Variants in DCLK2 observed in about 807,000 individuals in gnomAD.
The protein encoded by DCLK2 is serine/threonine-protein kinase DCLK2.
DCLK2 carries 31 observed loss-of-function variants against 78.4 expected under a neutral mutation model. That is an observed-to-expected ratio of 0.40 (90% CI 0.30 to 0.53). DCLK2 has a LOEUF of 0.53. DCLK2 is among the 20% of genes least tolerant of loss of function. DCLK2 has a pLI of 0.61. For synonymous variants in DCLK2, 407 were observed against 374.9 expected (o/e 1.09, Z -0.99); for missense variants, 872 against 973.7 (o/e 0.90, Z 1.39).
chr4:150,210,995 G>A (rs560083289), intron 5 of DCLK2, among the ~76,000 whole-genome samples: 5 of 150,752 alleles, frequency 3.3e-5, no homozygotes, highest in African/African-American at 1.2e-4. Flanking sequence ...CCAAAATTTA[G>A]CAGCTTAAAA....
intron 1 of DCLK2, among the ~76,000 whole-genome samples, chr4:150,100,778 A>G (rs1162783924): frequency 6.6e-6 from 1 of 152,252 alleles, no homozygotes; most frequent in Non-Finnish European, 1.5e-5. Flanking sequence ...CCAGATGATC[A>G]TACTGTGAAA....
intron 4 of DCLK2, among the ~76,000 whole-genome samples, chr4:150,200,877 G>A (rs886639396): frequency 6.6e-6 from 1 of 152,226 alleles, no homozygotes; most frequent in East Asian, 1.9e-4. Context: ...GGAGTGCAGT[G>A]GTGTGATCTC....
chr4:150,147,705 G>T (rs1341574585), intron 2 of DCLK2, among the ~76,000 whole-genome samples: 1 of 152,180 alleles, frequency 6.6e-6, no homozygotes. Context: ...ATAGAAAGTT[G>T]CCCTGCCTGT....
At chr4:150,132,603 A>G (rs561577038) in intron 2 of DCLK2, among the ~76,000 whole-genome samples, 16 of 152,042 alleles carry the variant, frequency 1.1e-4, no homozygotes, top group Non-Finnish European at 2.1e-4. Flanking sequence ...TTTTTTTTTA[A>G]AGACGGGGTT....
chr4:150,177,589 G>A (rs1475771531), intron 2 of DCLK2, among the ~76,000 whole-genome samples: 1 of 152,130 alleles, frequency 6.6e-6, no homozygotes, highest in African/African-American at 2.4e-5. Context: ...TATCTTTGCA[G>A]TTTATGAAAA....
At chr4:150,086,430 A>G (rs751505699) in intron 1 of DCLK2, among the ~76,000 whole-genome samples, 18 of 152,198 alleles carry the variant, frequency 1.2e-4, no homozygotes, top group Non-Finnish European at 1.0e-4. Flanking sequence ...GAAGTTATCA[A>G]TTTCACTAGT....
chr4:150,141,626 G>A (rs1734107928), intron 2 of DCLK2, among the ~76,000 whole-genome samples: 1 of 152,118 alleles, frequency 6.6e-6, no homozygotes, highest in South Asian at 2.1e-4. Flanking sequence ...AGTTCCCATT[G>A]AATGTATCTA....
At chr4:150,188,855 A>G (rs924119849) in intron 2 of DCLK2, among the ~76,000 whole-genome samples, 1 of 148,454 alleles carries the variant, frequency 6.7e-6, no homozygotes, top group Non-Finnish European at 1.5e-5. Context: ...CAGTGAGCCT[A>G]GATCATGCCA....
chr4:150,148,602 A>G (rs1189966581), intron 2 of DCLK2, among the ~76,000 whole-genome samples: 2 of 152,160 alleles, frequency 1.3e-5, no homozygotes, highest in East Asian at 3.9e-4. Flanking sequence ...TACAACAGTA[A>G]GTACACTTTG....
In DCLK2 at chr4:150,079,143, C is replaced by A; in HGVS notation, c.116C>A (p.Pro39His). 2 of 1,596,536 alleles carry A rather than the reference C, an allele frequency of 1.3e-6. No individual in the cohort carries two copies. The highest frequency in any genetic ancestry group is 4.5e-5 in the East Asian group (2 of 44,668). The change falls in exon 1 of 16, where the codon CCC becomes CAC. Residue 39 changes from proline (P) to histidine (H), a missense_variant. Physicochemically the swap from Pro to His is moderately conservative, Grantham distance 77 (BLOSUM62 -2). Around this residue, in one of 3 missense-constraint regions of DCLK2, gnomAD observed 567 missense variants for 593.4 expected, o/e 0.96. Coordinates refer to ENST00000296550, the MANE Select transcript of DCLK2 (RefSeq NM_001040260.4). ...SSSGGSSSSG[P>H]KGNGLIPSPA... The stretch of plus-strand genomic sequence containing the variant: ...TCCGGGGGCAGCAGCAGCTCGGGCC[C>A]CAAGGGGAACGGGCTCATCCCCAGT...
At chr4:150,223,734 A>ACT (rs950516754) in intron 7 of DCLK2, among the ~76,000 whole-genome samples, 10 of 133,194 alleles carry the variant, frequency 7.5e-5, no homozygotes, top group African/African-American at 2.5e-4. Context: ...ACAGAGCAAG[A>ACT]CTCTCTCTCA....
chr4:150,196,537 T>A (rs1420292997), intron 3 of DCLK2, among the ~76,000 whole-genome samples: 1 of 152,176 alleles, frequency 6.6e-6, no homozygotes, highest in Non-Finnish European at 1.5e-5. Context: ...CTAAAATTAA[T>A]CCACATTTTA....
intron 2 of DCLK2, among the ~76,000 whole-genome samples, chr4:150,117,118 A>G (rs62338172): frequency 0.14 from 20,832 of 152,154 alleles, 1,819 homozygotes; most frequent in Non-Finnish European, 0.19. Context: ...GTGCAGGTGC[A>G]AGCAGTGGCC....
chr4:150,079,460 G>A lies in DCLK2; in HGVS notation c.421+12G>A, dbSNP rs1020546017. On this transcript the variant is annotated intron_variant, in intron 1 of 15. Transcript: ENST00000296550. ...CGAGCTGCTGGAAGGTAGGAGGGGA[G>A]GGCGCCGCACGGCAGGTGCGGCGGA... 5 of 1,478,190 alleles carry A rather than the reference G, an allele frequency of 3.4e-6. No homozygotes were observed. Among genetic ancestry groups the A allele is most frequent in the Admixed American group, 5.0e-5 (2 of 40,380 alleles). The allele number at this position is 1,478,190 out of a possible 1,614,324, so 91.6% of individuals were successfully genotyped here.
intron 7 of DCLK2, among the ~76,000 whole-genome samples, chr4:150,223,576 C>G (rs1319241620): frequency 6.6e-6 from 1 of 152,052 alleles, no homozygotes; most frequent in Non-Finnish European, 1.5e-5. Flanking sequence ...AAACCCATCT[C>G]TACTAAAAAT....
chr4:150,199,205 G>T (rs1281294170), intron 4 of DCLK2: 2 of 837,134 alleles, frequency 2.4e-6, no homozygotes, highest in Non-Finnish European at 3.8e-6. Flanking sequence ...CATCTGTGTG[G>T]TATGAAATGC....
At chr4:150,205,778 G>A (rs1211281061) in intron 5 of DCLK2, among the ~76,000 whole-genome samples, 3 of 152,192 alleles carry the variant, frequency 2.0e-5, no homozygotes, top group Non-Finnish European at 4.4e-5. Context: ...ATTTGTTAAC[G>A]CAAAAGCGAG....
chr4:150,162,170 A>G (rs578204049), intron 2 of DCLK2, among the ~76,000 whole-genome samples: 1 of 152,234 alleles, frequency 6.6e-6, no homozygotes, highest in East Asian at 1.9e-4. Context: ...AGCTGGCACC[A>G]TAGGCATGCG....
At position 150,120,012 on chromosome 4, in the gene DCLK2, G is replaced by A. The variant is rs571653266; in HGVS notation, c.756+17200G>A. Among the ~76,000 whole-genome samples, 4 of 152,198 alleles carry A rather than the reference G, an allele frequency of 2.6e-5. No individual in the cohort carries two copies. The East Asian group carries it at 7.7e-4, about 29-fold the overall frequency. Reference sequence around the variant, plus strand: ...CTTCTGAATTTGTTTTATTGTTTTTGTATCTTATTATGAATGCCTGCTGAT... The same window carrying A: ...CTTCTGAATTTGTTTTATTGTTTTTATATCTTATTATGAATGCCTGCTGAT... On this transcript the variant is annotated intron_variant, in intron 2 of 15. Coordinates refer to ENST00000296550, the MANE Select transcript of DCLK2 (RefSeq NM_001040260.4).
Sources: gnomAD v4.1 joint callset for allele counts (sites outside exome capture counted in the v4.1 genomes callset) on GRCh38, gnomAD v4.1.1 for gene constraint, gnomAD v4.1.1 regional missense constraint, MANE v1.5 for transcripts, NCBI Gene and HGNC (gene_info 2026-07-23, HGNC 2026-07-21) for gene names.